MICOS10: variants seen among roughly 807,000 people sequenced by gnomAD.
The protein encoded by MICOS10 is MICOS complex subunit MIC10.
MICOS10 carries 5 observed loss-of-function variants against 13.4 expected under a neutral mutation model. The ratio of observed to expected loss-of-function variants is 0.37; its 90% CI spans 0.20 to 0.78. The LOEUF is 0.78. MICOS10 is among the 30% of genes least tolerant of loss of function. The pLI, the probability that MICOS10 is intolerant of heterozygous loss-of-function variation, is 0.47. For synonymous variants in MICOS10, 35 were observed against 33.6 expected, an observed-to-expected ratio of 1.04 and a Z score of -0.15; for missense variants, 101 against 94.6, an observed-to-expected ratio of 1.07 and a Z score of -0.28.
chr1:19,611,987 AT>A (rs1179952572), intron 1 of MICOS10, among the ~76,000 whole-genome samples: 4 of 147,744 alleles, frequency 2.7e-5, no homozygotes, highest in Non-Finnish European at 6.0e-5. Flanking sequence ...AAAAAAAAAG[AT>A]TTTTTTTTCT....
chr1:19,608,624 T>TAA, intron 1 of MICOS10: 2 of 705,336 alleles, frequency 2.8e-6, no homozygotes, highest in Non-Finnish European at 5.1e-6. Flanking sequence ...AAAAAATAAA[T>TAA]AAAAAAAGTG....
chr1:19,615,535 C>G (rs2094880517), intron 1 of MICOS10, among the ~76,000 whole-genome samples: 1 of 152,212 alleles, frequency 6.6e-6, no homozygotes, highest in Non-Finnish European at 1.5e-5. Flanking sequence ...CCCAAATCCA[C>G]ATAACCTCAA....
chr1:19,606,516 AG>A (rs2094835320), intron 1 of MICOS10, among the ~76,000 whole-genome samples: 1 of 152,042 alleles, frequency 6.6e-6, no homozygotes, highest in Non-Finnish European at 1.5e-5. Context: ...GAGGCTGAGG[AG>A]GGTGGGTCAC....
intron 1 of MICOS10, among the ~76,000 whole-genome samples, chr1:19,606,562 ATG>A (rs1363766049): frequency 6.6e-6 from 1 of 152,110 alleles, no homozygotes; most frequent in African/African-American, 2.4e-5. Context: ...CCTGGCCAAT[ATG>A]GTGAAACCCC....
In MICOS10 at chr1:19,626,665, C is replaced by A; in HGVS notation, c.*264C>A. On this transcript the variant is annotated 3_prime_UTR_variant, in exon 4 of 4. Coordinates refer to ENST00000322753, the MANE Select transcript of MICOS10 (RefSeq NM_001032363.4). ...TGGCCTTTGTTTCTTCACCTTTGGT[C>A]TCTGAGCATGAGGAGGACTGTGTGT... The A allele has an allele frequency of 2.2e-6, 1 of 461,522 alleles. No homozygotes were observed. Among genetic ancestry groups the A allele is most frequent in the Non-Finnish European group, 4.0e-6 (1 of 249,800 alleles). The allele number at this position is 461,522 out of a possible 1,614,324, so 28.6% of individuals were successfully genotyped here.
At chr1:19,614,776 A>G (rs950523284) in intron 1 of MICOS10, among the ~76,000 whole-genome samples, 1 of 152,170 alleles carries the variant, frequency 6.6e-6, no homozygotes, top group African/African-American at 2.4e-5. Flanking sequence ...CCAACTGCTG[A>G]CTGAGTGAAG....
rs748809535 is a variant in MICOS10 at position 19,597,067 on chromosome 1, A to T, written c.22A>T (p.Arg8Trp). 2.5e-6 allele frequency: 4 copies of T among 1,595,056 alleles called. No homozygotes were observed. Among genetic ancestry groups the T allele is most frequent in the Non-Finnish European group, 3.4e-6 (4 of 1,173,004 alleles). The change falls in exon 1 of 4, where the codon AGG becomes TGG. Residue 8 changes from arginine to tryptophan, a missense_variant. By Grantham distance (101) the Arg-to-Trp change is moderately radical. Transcript: ENST00000322753. ...GAACATGTCTGAGTCGGAGCTCGGC[A>T]GGAAGTGGGACCGGTGTCTGGCGGA... is the stretch of plus-strand genomic sequence containing the variant. MSESELGRKWDRCLADAV... is the reference protein window; with the variant it reads MSESELGWKWDRCLADAV...
At chr1:19,605,948 G>A (rs1252185066) in intron 1 of MICOS10, among the ~76,000 whole-genome samples, 3 of 152,162 alleles carry the variant, frequency 2.0e-5, no homozygotes, top group Non-Finnish European at 4.4e-5. Flanking sequence ...TTTAGCATTC[G>A]AAGAAATTCA....
chr1:19,622,894 TTATC>T (rs1481849402), intron 2 of MICOS10, among the ~76,000 whole-genome samples: 1 of 151,992 alleles, frequency 6.6e-6, no homozygotes, highest in South Asian at 2.1e-4. Context: ...GTTAAAAGGT[TTATC>T]TAGTGTTTTC....
In MICOS10 at chr1:19,629,431, G is replaced by A. The variant is rs2094931760; in HGVS notation, c.*3030G>A. On this transcript the variant is annotated 3_prime_UTR_variant, in exon 4 of 4. Coordinates refer to ENST00000322753, the MANE Select transcript of MICOS10 (RefSeq NM_001032363.4). ...TGGCCCAGAACAATATGTATTTTGA[G>A]CTCATTTAGGTGAATGACTTTGGCA... The A allele has an allele frequency of 6.6e-6, 1 of 152,230 alleles. No homozygotes were observed. The highest frequency in any genetic ancestry group is 2.4e-5 in the African/African-American group (1 of 41,460). 9.4% of individuals were successfully genotyped at this position (152,230 alleles called of 1,614,324 possible).
chr1:19,606,749 C>CAA (rs550672925), intron 1 of MICOS10, among the ~76,000 whole-genome samples: 15,665 of 133,974 alleles, frequency 0.12, 2,800 homozygotes, highest in African/African-American at 0.39. Flanking sequence ...GCTCTGTCTC[C>CAA]AAAAAAAAAA....
intron 1 of MICOS10, among the ~76,000 whole-genome samples, chr1:19,606,459 G>A (rs953204792): frequency 1.3e-5 from 2 of 152,156 alleles, no homozygotes; most frequent in African/African-American, 4.8e-5. Context: ...CGAAAGTATG[G>A]CCAGGGCTGG....
intron 1 of MICOS10, among the ~76,000 whole-genome samples, chr1:19,606,772 A>G (rs1283245644): frequency 2.0e-5 from 3 of 152,182 alleles, no homozygotes; most frequent in African/African-American, 7.2e-5. Flanking sequence ...AAAGAAAAAA[A>G]GTAGGACAGT....
At chr1:19,600,959 C>T in intron 1 of MICOS10, 1 of 1,289,362 alleles carries the variant, frequency 7.8e-7, no homozygotes, top group Non-Finnish European at 1.0e-6. Context: ...ATGGTGAATG[C>T]ACAGCAACTT....
intron 1 of MICOS10, among the ~76,000 whole-genome samples, chr1:19,611,985 A>AAAAAAAC (rs2094864354): frequency 6.6e-6 from 1 of 150,814 alleles, no homozygotes; most frequent in Non-Finnish European, 1.5e-5. Context: ...AAAAAAAAAA[A>AAAAAAAC]GATTTTTTTT....
chr1:19,622,407 G>C (rs2094907021), intron 2 of MICOS10, among the ~76,000 whole-genome samples: 2 of 152,174 alleles, frequency 1.3e-5, no homozygotes, highest in Admixed American at 6.5e-5. Context: ...CATTGCAAAA[G>C]CCTGTACTTG....
At chr1:19,625,495 G>C in intron 3 of MICOS10, 3 of 1,289,406 alleles carry the variant, frequency 2.3e-6, no homozygotes, top group Non-Finnish European at 3.0e-6. Context: ...GTCATCACAG[G>C]GACCATGCAA....
rs557905532 is a variant in MICOS10, at chr1:19,603,964, G to T, written c.64+6855G>T. ...ATTTCCGTTAGTAGCAAGAAAAAAG[G>T]CAAGCCATGGACATTTACAAGGAGC... On this transcript the variant is annotated intron_variant, in intron 1 of 3. Transcript: ENST00000322753. 4.6e-5 allele frequency among the ~76,000 whole-genome samples: 7 copies of T among 152,276 alleles called. No individual in the cohort carries two copies. The East Asian group carries it at 1.3e-3, about 29-fold the overall frequency.
At chr1:19,602,844 G>T (rs2094820915) in intron 1 of MICOS10, among the ~76,000 whole-genome samples, 1 of 152,168 alleles carries the variant, frequency 6.6e-6, no homozygotes, top group African/African-American at 2.4e-5. Context: ...CAACCTAGGA[G>T]ACTTTAAATC....
Sources: gnomAD v4.1 joint callset for allele counts (sites outside exome capture counted in the v4.1 genomes callset) on GRCh38, gnomAD v4.1.1 for gene constraint, MANE v1.5 for transcripts, NCBI Gene and HGNC (gene_info 2026-07-23, HGNC 2026-07-21) for gene names.